NCALD: variants seen among roughly 807,000 people sequenced by gnomAD.
NCALD encodes the protein neurocalcin-delta.
In NCALD, 10 loss-of-function variants were observed where a neutral mutation model predicts 18.6. The observed-to-expected ratio is 0.54, with a 90% CI of 0.33 to 0.91. NCALD has a LOEUF of 0.91. NCALD is among the 40% of genes least tolerant of loss of function. The pLI is 0.03. For missense variants in NCALD, 184 were observed against 247.6 expected (o/e 0.74, Z 1.72); for synonymous variants, 88 against 87.4 (o/e 1.01, Z -0.04).
chr8:101,988,154 CAAAAAAAAAAAAAG>C (rs1310787523), intron 2 of NCALD, among the ~76,000 whole-genome samples: 2 of 37,180 alleles, frequency 5.4e-5, no homozygotes, highest in East Asian at 7.5e-4. Context: ...GACTCCGTCT[CAAAAAAAAAAAAAG>C]AAAAAAAAAA....
intron 2 of NCALD, among the ~76,000 whole-genome samples, chr8:101,930,922 G>A (rs1034886730): frequency 6.6e-6 from 1 of 152,146 alleles, no homozygotes; most frequent in African/African-American, 2.4e-5. Flanking sequence ...TAGTCTGTGA[G>A]TTGTTATTTG....
intron 4 of NCALD, among the ~76,000 whole-genome samples, chr8:101,870,888 A>ACC (rs1815978714): frequency 1.6e-4 from 6 of 37,554 alleles, no homozygotes; most frequent in Non-Finnish European, 2.5e-4. Context: ...ATGCTCTACC[A>ACC]CCGCCCCCAC....
chr8:101,812,921 T>A (rs1813360274), intron 4 of NCALD, among the ~76,000 whole-genome samples: 1 of 152,116 alleles, frequency 6.6e-6, no homozygotes, highest in Non-Finnish European at 1.5e-5. Flanking sequence ...AATCAGCACA[T>A]CTTTGTTCTT....
At position 101,779,183 on chromosome 8, in the gene NCALD, T is replaced by A. The variant is rs143401323; in HGVS notation, c.-20+11679A>T. On this transcript the variant is annotated intron_variant, in intron 1 of 3. Transcript: ENST00000220931. The stretch of plus-strand genomic sequence containing the variant: ...ATTTTGAAAAAAATTAAAAATATGC[T>A]CTAGCAAAATTGAAAATGAGTCTAA... 2.5e-3 allele frequency among the ~76,000 whole-genome samples: 388 copies of A among 152,192 alleles called. 4 individuals are homozygous for A. The highest frequency in any genetic ancestry group is 8.8e-3 in the African/African-American group (365 of 41,542).
At chr8:101,888,747 C>T (rs981057756) in intron 3 of NCALD, among the ~76,000 whole-genome samples, 7 of 152,124 alleles carry the variant, frequency 4.6e-5, no homozygotes, top group Non-Finnish European at 1.0e-4. Context: ...GATTTGCTCT[C>T]TGAGAAAATA....
chr8:101,959,233 A>T (rs1819747926), intron 2 of NCALD, among the ~76,000 whole-genome samples: 1 of 151,794 alleles, frequency 6.6e-6, no homozygotes, highest in African/African-American at 2.4e-5. Context: ...ATTTTTTTTT[A>T]ATGGCCCTCA....
In NCALD at chr8:101,815,167, T is replaced by C. The variant is rs1298451190; in HGVS notation, c.-20+71974A>G. 4.6e-5 allele frequency among the ~76,000 whole-genome samples: 7 copies of C among 152,076 alleles called. No individual in the cohort carries two copies. In the East Asian group the frequency reaches 7.7e-4, roughly 17 times the overall value. ...AAAGACCCAGAATAGCCAGCCAACATTGAAGGAGAAGAACAGAGCTGGAGG... is the reference window on the plus strand; with the variant it reads ...AAAGACCCAGAATAGCCAGCCAACACTGAAGGAGAAGAACAGAGCTGGAGG... On this transcript the variant is annotated intron_variant, in intron 4 of 6. Transcript: ENST00000311028.
intron 2 of NCALD, among the ~76,000 whole-genome samples, chr8:101,992,248 T>A (rs1407469935): frequency 6.6e-6 from 1 of 152,198 alleles, no homozygotes; most frequent in Non-Finnish European, 1.5e-5. Context: ...CCCCATTTCC[T>A]CTTTCCTTTC....
intron 1 of NCALD, among the ~76,000 whole-genome samples, chr8:101,738,552 CAAAAA>C (rs34205453): frequency 0.61 from 77,921 of 128,676 alleles, 22,591 homozygotes; most frequent in Middle Eastern, 0.7. Flanking sequence ...CTCAAAAAAA[CAAAAA>C]AAAAAAAAAA....
chr8:101,746,223 T>A (rs1031678454), intron 1 of NCALD, among the ~76,000 whole-genome samples: 1 of 152,222 alleles, frequency 6.6e-6, no homozygotes, highest in South Asian at 2.1e-4. Context: ...AGTTTCATAA[T>A]GGTAAGGAAT....
At chr8:101,746,207 C>T (rs1207511277) in intron 1 of NCALD, among the ~76,000 whole-genome samples, 2 of 152,112 alleles carry the variant, frequency 1.3e-5, no homozygotes, top group Non-Finnish European at 2.9e-5. Flanking sequence ...CTAAAACATG[C>T]AATTAAGTTT....
At chr8:102,028,800 T>G (rs926393513) in intron 1 of NCALD, among the ~76,000 whole-genome samples, 2 of 152,174 alleles carry the variant, frequency 1.3e-5, no homozygotes, top group South Asian at 4.1e-4. Context: ...AGGTGACCAT[T>G]TAATTCATTG....
chr8:101,834,503 C>T (rs1814329190), intron 4 of NCALD, among the ~76,000 whole-genome samples: 1 of 152,246 alleles, frequency 6.6e-6, no homozygotes. Flanking sequence ...GTCTTTTCCT[C>T]ATCCCAATCA....
chr8:101,860,435 T>C (rs773523919), intron 4 of NCALD, among the ~76,000 whole-genome samples: 4 of 151,946 alleles, frequency 2.6e-5, no homozygotes, highest in Non-Finnish European at 5.9e-5. Flanking sequence ...GAGCAGAGAG[T>C]TCCATAAAGA....
chr8:102,052,860 T>G (rs1219733304), intron 1 of NCALD, among the ~76,000 whole-genome samples: 1 of 152,234 alleles, frequency 6.6e-6, no homozygotes, highest in Admixed American at 6.5e-5. Context: ...TTATGGACAT[T>G]GAAATTTAAA....
intron 1 of NCALD, among the ~76,000 whole-genome samples, chr8:102,035,189 G>T (rs1822818237): frequency 6.6e-6 from 1 of 151,914 alleles, no homozygotes. Flanking sequence ...TGTACTTTTT[G>T]ATCACCTGGT....
At chr8:101,813,667 C>T (rs1317808428) in intron 4 of NCALD, among the ~76,000 whole-genome samples, 1 of 152,156 alleles carries the variant, frequency 6.6e-6, no homozygotes, top group Non-Finnish European at 1.5e-5. Context: ...TTTTGCATTA[C>T]ACAGCTTGCA....
At chr8:102,008,969 A>ACACACACAG (rs1215721845) in intron 2 of NCALD, among the ~76,000 whole-genome samples, 3 of 111,802 alleles carry the variant, frequency 2.7e-5, no homozygotes, top group Admixed American at 1.9e-4. Context: ...CACACACACA[A>ACACACACAG]GCCCTAAAAG....
chr8:101,940,149 G>A (rs1416715224), intron 2 of NCALD, among the ~76,000 whole-genome samples: 6 of 150,528 alleles, frequency 4.0e-5, no homozygotes, highest in African/African-American at 1.5e-4. Context: ...TTGCAATCTT[G>A]AGAAGAGGAG....
Sources: allele counts gnomAD v4.1 joint callset (sites outside exome capture counted in the v4.1 genomes callset), GRCh38; gene constraint gnomAD v4.1.1; transcripts MANE v1.5; gene names NCBI Gene and HGNC (gene_info 2026-07-23, HGNC 2026-07-21).